WWOX: variants seen among roughly 807,000 people sequenced by gnomAD.
WWOX encodes WW domain-containing oxidoreductase.
Under a neutral mutation model 46.2 loss-of-function variants are expected in WWOX, and 69 were observed. The ratio of observed to expected loss-of-function variants is 1.49; its 90% CI spans 1.23 to 1.82. The LOEUF (loss-of-function observed/expected upper bound fraction) is 1.82, where lower values mean the gene tolerates loss of function less well. Among genes scored for constraint, WWOX ranks in the 40% most tolerant of loss-of-function variants. WWOX has a pLI of 0.00. For synonymous variants in WWOX, 359 were observed against 202.6 expected, an observed-to-expected ratio of 1.77 and a Z score of -6.56; for missense variants, 919 against 542.6, an observed-to-expected ratio of 1.69 and a Z score of -6.89.
intron 8 of WWOX, among the ~76,000 whole-genome samples, chr16:78,631,090 C>T (rs1463409830): frequency 6.6e-5 from 10 of 152,192 alleles, no homozygotes; most frequent in Non-Finnish European, 8.8e-5. Context: ...TGTACAGGAG[C>T]ATCACATACA....
intron 5 of WWOX, among the ~76,000 whole-genome samples, chr16:78,191,368 A>G (rs1248663674): frequency 6.6e-6 from 1 of 152,204 alleles, no homozygotes; most frequent in Non-Finnish European, 1.5e-5. Flanking sequence ...TTCTTTGATC[A>G]TAGGTAGGAA....
rs371535151 is a variant in WWOX at position 78,278,581 on chromosome 16, G to A, written c.517-108279G>A. ...TCTCATAACTTAATTTTACACAACT[G>A]TCTTTTGTTTGTATCTTACAGAAAA... On this transcript the variant is annotated intron_variant, in intron 5 of 8. Transcript: ENST00000566780. 8.3e-5 allele frequency: 133 copies of A among 1,600,710 alleles called. 1 individual carries two copies. The Middle Eastern group carries it at 1.0e-3, about 12-fold the overall frequency.
chr16:78,691,132 G>T, intron 8 of WWOX: 3 of 652,792 alleles, frequency 4.6e-6, no homozygotes, highest in Non-Finnish European at 5.5e-6. Context: ...TGCTTTAGAA[G>T]TTCATAAAAG....
intron 8 of WWOX, among the ~76,000 whole-genome samples, chr16:78,968,283 A>G (rs139589020): frequency 3.9e-4 from 60 of 152,334 alleles, no homozygotes; most frequent in Admixed American, 9.8e-4. Context: ...ACTGTGCCCC[A>G]TAGTCCTACC....
At position 78,352,633 on chromosome 16, in the gene WWOX, C is replaced by T. The variant is rs1050453093; in HGVS notation, c.517-34227C>T. Among the ~76,000 whole-genome samples the T allele has an allele frequency of 5.3e-5, 8 of 152,204 alleles. No homozygotes were observed. The East Asian group carries it at 1.3e-3, about 26-fold the overall frequency. On this transcript the variant is annotated intron_variant, in intron 5 of 8. Coordinates refer to ENST00000566780, the MANE Select transcript of WWOX (RefSeq NM_016373.4). ...TGGGATAATCTGCCTGTTTGAAGGTCAGCCAATTAGCAATCTTAATGCCAT... is the reference window on the plus strand; with the variant it reads ...TGGGATAATCTGCCTGTTTGAAGGTTAGCCAATTAGCAATCTTAATGCCAT...
rs187522625 is a variant in WWOX at position 78,399,872 on chromosome 16, G to T, written c.605+12924G>T. On this transcript the variant is annotated intron_variant, in intron 6 of 8. Coordinates refer to ENST00000566780, the MANE Select transcript of WWOX (RefSeq NM_016373.4). The stretch of plus-strand genomic sequence containing the variant: ...ATAACATGGGAACCATCTTTTCCCA[G>T]TAAATTGTTGAGAAGCTAATTCTTG... Among the ~76,000 whole-genome samples, 190 of 152,282 alleles carry T rather than the reference G, an allele frequency of 1.2e-3. 1 individual carries two copies. The highest frequency in any genetic ancestry group is 4.3e-3 in the African/African-American group (180 of 41,558).
chr16:78,795,550 G>C (rs1040095863), intron 8 of WWOX, among the ~76,000 whole-genome samples: 12 of 152,174 alleles, frequency 7.9e-5, no homozygotes, highest in African/African-American at 2.7e-4. Context: ...CTGAAAAAAA[G>C]GATTCAGGGT....
At chr16:78,806,934 C>G (rs1567573588) in intron 8 of WWOX, among the ~76,000 whole-genome samples, 1 of 152,196 alleles carries the variant, frequency 6.6e-6, no homozygotes, top group African/African-American at 2.4e-5. Context: ...AGGAAACCTG[C>G]TTTTGAATCC....
chr16:78,308,094 C>A (rs545546000), intron 5 of WWOX, among the ~76,000 whole-genome samples: 1 of 152,296 alleles, frequency 6.6e-6, no homozygotes, highest in East Asian at 1.9e-4. Flanking sequence ...CTTTCCCAGT[C>A]AGGCCTTCAT....
chr16:79,077,497 C>G (rs1028781783), intron 8 of WWOX: 1 of 152,124 alleles, frequency 6.6e-6, no homozygotes, highest in Non-Finnish European at 1.5e-5. Flanking sequence ...GGATGCAATT[C>G]ACAGAGATGG....
chr16:78,571,271 T>G (rs964693318), intron 8 of WWOX, among the ~76,000 whole-genome samples: 2 of 152,094 alleles, frequency 1.3e-5, no homozygotes, highest in Non-Finnish European at 2.9e-5. Context: ...CAGTAATGGT[T>G]TAGAAAGGTA....
chr16:79,209,910 G>T (rs413263), intron 8 of WWOX, among the ~76,000 whole-genome samples: 54,173 of 152,146 alleles, frequency 0.36, 12,418 homozygotes, highest in Non-Finnish European at 0.52. Context: ...ATTTCCATTA[G>T]ACTTGAGCCA....
chr16:78,726,381 A>G (rs1019782050), intron 8 of WWOX, among the ~76,000 whole-genome samples: 6 of 151,792 alleles, frequency 4.0e-5, no homozygotes, highest in African/African-American at 1.5e-4. Context: ...ATGCACCACC[A>G]CACGTGGCGT....
At chr16:78,608,793 G>T (rs1374139858) in intron 8 of WWOX, among the ~76,000 whole-genome samples, 5 of 152,118 alleles carry the variant, frequency 3.3e-5, no homozygotes, top group Admixed American at 2.6e-4. Context: ...AGGGGTTCCT[G>T]GGTTGAAGTA....
At position 78,547,127 on chromosome 16, in the gene WWOX, G is replaced by GAAAAAAAAA. The variant is rs199726097; in HGVS notation, c.1056+114399_1056+114407dup. Among the ~76,000 whole-genome samples, 112 of 87,476 alleles carry GAAAAAAAAA rather than the reference G, an allele frequency of 1.3e-3. 7 individuals carry two copies. Among genetic ancestry groups the GAAAAAAAAA allele is most frequent in the South Asian group, 3.9e-3 (9 of 2,336 alleles). 57.4% of individuals were successfully genotyped at this position (87,476 alleles called of 152,430 possible). The stretch of plus-strand genomic sequence containing the variant: ...TGGGAGAGTGTGAGACCTTGTCTCA[G>GAAAAAAAAA]AAAAAAAAAAAAAAAAAAAAAAAAA... On this transcript the variant is annotated intron_variant, in intron 8 of 8. Coordinates refer to ENST00000566780, the MANE Select transcript of WWOX (RefSeq NM_016373.4).
intron 5 of WWOX, among the ~76,000 whole-genome samples, chr16:78,335,558 A>G (rs1033676724): frequency 6.6e-6 from 1 of 152,122 alleles, no homozygotes; most frequent in Non-Finnish European, 1.5e-5. Context: ...TGTCCTTGCT[A>G]TTGTGAAATA....
At chr16:78,781,874 A>G (rs919750160) in intron 8 of WWOX, among the ~76,000 whole-genome samples, 5 of 152,214 alleles carry the variant, frequency 3.3e-5, no homozygotes, top group African/African-American at 1.2e-4. Context: ...TGCATTGAAC[A>G]CTTATTTGCT....
intron 8 of WWOX, among the ~76,000 whole-genome samples, chr16:78,695,572 C>T (rs1372429108): frequency 1.3e-5 from 2 of 152,090 alleles, no homozygotes; most frequent in Admixed American, 1.3e-4. Context: ...GAGAGTTCAG[C>T]GGGCTGGATC....
At chr16:78,565,376 C>A (rs139798077) in intron 8 of WWOX, among the ~76,000 whole-genome samples, 3 of 152,164 alleles carry the variant, frequency 2.0e-5, no homozygotes, top group East Asian at 3.9e-4. Context: ...TGTTTCCTTG[C>A]GTTTTTCATC....
Sources: allele counts gnomAD v4.1 joint callset (sites outside exome capture counted in the v4.1 genomes callset), GRCh38; gene constraint gnomAD v4.1.1; transcripts MANE v1.5; gene names NCBI Gene and HGNC (gene_info 2026-07-23, HGNC 2026-07-21).